The following CUEDC1 variants were observed in gnomAD, a reference collection of about 807,000 sequenced individuals.
CUEDC1 encodes CUE domain-containing protein 1.
A neutral mutation model predicts 43.7 loss-of-function variants in CUEDC1; 30 were observed. The ratio of observed to expected loss-of-function variants is 0.69; its 90% CI spans 0.51 to 0.93. CUEDC1 has a LOEUF of 0.93. Among genes scored for constraint, CUEDC1 ranks in the 40% least tolerant of loss-of-function variants. CUEDC1 has a pLI of 0.00. For missense variants in CUEDC1, 486 were observed against 549.0 expected, an observed-to-expected ratio of 0.89 and a Z score of 1.15; for synonymous variants, 223 against 223.6, an observed-to-expected ratio of 1.00 and a Z score of 0.02.
At chr17:57,927,497 C>A (rs141406584) in intron 1 of CUEDC1, among the ~76,000 whole-genome samples, 1 of 152,176 alleles carries the variant, frequency 6.6e-6, no homozygotes, top group Non-Finnish European at 1.5e-5. Context: ...GTTGGGGCAT[C>A]CAGTTTCAAG....
chr17:57,917,776 G>T (rs1044939498), intron 1 of CUEDC1, among the ~76,000 whole-genome samples: 3 of 152,230 alleles, frequency 2.0e-5, no homozygotes, highest in African/African-American at 7.2e-5. Flanking sequence ...CATTTAACAG[G>T]CAGAGACACT....
intron 8 of CUEDC1, among the ~76,000 whole-genome samples, chr17:57,867,947 C>G (rs1331148436): frequency 6.6e-6 from 1 of 152,222 alleles, no homozygotes; most frequent in Admixed American, 6.5e-5. Context: ...GCCCTGCTCC[C>G]TAGGCCTGGT....
At chr17:57,865,886 G>A (rs570331273) in intron 10 of CUEDC1, among the ~76,000 whole-genome samples, 3 of 150,414 alleles carry the variant, frequency 2.0e-5, no homozygotes, top group Admixed American at 6.6e-5. Flanking sequence ...GCAATGGCGC[G>A]ATCTCAGCTC....
At chr17:57,920,727 G>A (rs1162193872) in intron 1 of CUEDC1, among the ~76,000 whole-genome samples, 4 of 150,314 alleles carry the variant, frequency 2.7e-5, no homozygotes, top group East Asian at 2.0e-4. Flanking sequence ...CACCTCCTGG[G>A]TTTGAGTGAT....
At chr17:57,928,491 G>A (rs2143144052) in intron 1 of CUEDC1, among the ~76,000 whole-genome samples, 1 of 148,474 alleles carries the variant, frequency 6.7e-6, no homozygotes, top group East Asian at 2.0e-4. Flanking sequence ...GGCGCTTACA[G>A]TGAGCTGAGA....
At chr17:57,885,107 C>T in intron 2 of CUEDC1, 122 bp downstream of exon 2, 2 of 1,441,560 alleles carry the variant, frequency 1.4e-6, no homozygotes, top group Non-Finnish European at 1.8e-6. Flanking sequence ...ACCCAGATAG[C>T]GGAGTAACCC....
intron 1 of CUEDC1, among the ~76,000 whole-genome samples, chr17:57,928,338 A>C (rs2074768629): frequency 6.6e-6 from 1 of 152,086 alleles, no homozygotes; most frequent in African/African-American, 2.4e-5. Flanking sequence ...TCACCAGGTC[A>C]GGAGATCGAG....
chr17:57,955,253 G>GCGGGCCGCAGGGGC lies in CUEDC1; in HGVS notation c.-358_-345dup, dbSNP rs1240281662. 1 of 145,918 alleles carries GCGGGCCGCAGGGGC rather than the reference G, an allele frequency of 6.9e-6. No individual in the cohort carries two copies. Among genetic ancestry groups the GCGGGCCGCAGGGGC allele is most frequent in the Non-Finnish European group, 1.5e-5 (1 of 65,300 alleles). 9.0% of individuals were successfully genotyped at this position (145,918 alleles called of 1,614,324 possible). A position where few individuals can be genotyped will look rare whatever the true frequency, so the allele number is the denominator to read the frequency against. ...GCAGCGCCACGCGCGTCCGCTCCGCGCGGGCCGCAGGGGCCGGGCCGCGGG... is the reference window on the plus strand; with the variant it reads ...GCAGCGCCACGCGCGTCCGCTCCGCGCGGGCCGCAGGGGCCGGGCCGCAGGGGCCGGGCCGCGGG... On this transcript the variant is annotated 5_prime_UTR_variant, in exon 1 of 11. Coordinates refer to ENST00000577830, the MANE Select transcript of CUEDC1 (RefSeq NM_001271875.2). The surrounding 1 kb of genome is among the most constrained non-coding windows in gnomAD (Gnocchi z 5.3).
intron 3 of CUEDC1, among the ~76,000 whole-genome samples, chr17:57,874,787 G>A (rs1460279366): frequency 6.6e-6 from 1 of 152,204 alleles, no homozygotes; most frequent in Non-Finnish European, 1.5e-5. Context: ...CTCACTGGAG[G>A]GGAGCTTTTC....
At chr17:57,899,097 C>G (rs1453977689) in intron 1 of CUEDC1, among the ~76,000 whole-genome samples, 1 of 152,152 alleles carries the variant, frequency 6.6e-6, no homozygotes, top group Non-Finnish European at 1.5e-5. Context: ...GGTGGCTGGC[C>G]CAGGGCTGAG....
intron 6 of CUEDC1, 61 bp from the exon 7 acceptor site, chr17:57,869,254 C>T (rs529119429): frequency 4.1e-6 from 6 of 1,445,910 alleles, no homozygotes; most frequent in Non-Finnish European, 4.8e-6. Context: ...CTGTCCCAGC[C>T]CTACCCACCC....
rs2075033918 is a variant in CUEDC1, at chr17:57,954,226, G to A, written c.-316+999C>T. 6.6e-6 allele frequency among the ~76,000 whole-genome samples: 1 copy of A among 152,160 alleles called. No individual in the cohort carries two copies. Among genetic ancestry groups the A allele is most frequent in the African/African-American group, 2.4e-5 (1 of 41,432 alleles). ...AGGCTCATTCCTCTCGCTACAAGAC[G>A]CTGACTGCGGATCAGGTGGGGAGCA... On this transcript the variant is annotated intron_variant, in intron 1 of 10. Transcript: ENST00000577830. The surrounding 1 kb of genome is among the most constrained non-coding windows in gnomAD (Gnocchi z 4.3).
chr17:57,876,565 C>T (rs2074129331), intron 3 of CUEDC1, among the ~76,000 whole-genome samples: 1 of 152,114 alleles, frequency 6.6e-6, no homozygotes, highest in South Asian at 2.1e-4. Context: ...ACACATAGTT[C>T]AGGAGTGCTG....
intron 1 of CUEDC1, among the ~76,000 whole-genome samples, chr17:57,889,004 G>A (rs540919050): frequency 2.6e-4 from 40 of 152,108 alleles, no homozygotes; most frequent in Non-Finnish European, 5.4e-4. Context: ...CTCGGGTTCT[G>A]GGCCTCTCTG....
intron 1 of CUEDC1, among the ~76,000 whole-genome samples, chr17:57,908,959 T>C (rs990670735): frequency 1.7e-4 from 26 of 151,970 alleles, no homozygotes; most frequent in African/African-American, 5.6e-4. Flanking sequence ...ATCGCGCTAC[T>C]GCACTCCAGC....
At chr17:57,863,308 G>A (rs946585276) in intron 10 of CUEDC1, 23 bp from the exon 11 acceptor site, 2 of 152,596 alleles carry the variant, frequency 1.3e-5, no homozygotes, top group African/African-American at 4.8e-5. Context: ...AAAAGGGATG[G>A]GAGGAATCTT....
At chr17:57,876,700 G>T (rs1464121602) in intron 3 of CUEDC1, among the ~76,000 whole-genome samples, 2 of 152,364 alleles carry the variant, frequency 1.3e-5, no homozygotes, top group East Asian at 3.9e-4. Context: ...AGAGGCCCAG[G>T]TCTAGCAGAG....
chr17:57,869,320 T>A, intron 6 of CUEDC1, 127 bp from the exon 7 acceptor site: 1 of 770,558 alleles, frequency 1.3e-6, no homozygotes, highest in Non-Finnish European at 2.2e-6. Flanking sequence ...GAAGGGAGTT[T>A]AAAGCAAGGA....
chr17:57,911,030 C>T lies in CUEDC1; in HGVS notation c.-315-25151G>A, dbSNP rs144569644. ...CACCAACGGAAGAGCAGGCCAGGTCCCCTCCGAACTCCTCAGTCTCTTATG... is the reference window on the plus strand; with the variant it reads ...CACCAACGGAAGAGCAGGCCAGGTCTCCTCCGAACTCCTCAGTCTCTTATG... On this transcript the variant is annotated intron_variant, in intron 1 of 10. Coordinates refer to ENST00000577830, the MANE Select transcript of CUEDC1 (RefSeq NM_001271875.2). Among the ~76,000 whole-genome samples the T allele has an allele frequency of 1.1e-3, 166 of 152,304 alleles. 2 individuals carry two copies. The highest frequency in any genetic ancestry group is 3.8e-3 in the African/African-American group (156 of 41,564).
Sources: gnomAD v4.1 joint callset for allele counts (sites outside exome capture counted in the v4.1 genomes callset) on GRCh38, gnomAD v4.1.1 for gene constraint, Gnocchi (gnomAD v3.1) non-coding constraint, MANE v1.5 for transcripts, NCBI Gene and HGNC (gene_info 2026-07-23, HGNC 2026-07-21) for gene names.